Variants in GCNT1 observed in about 807,000 individuals in gnomAD.
GCNT1 encodes glucosaminyl (N-acetyl) transferase 1, also known as beta-1,3-galactosyl-O-glycosyl-glycoprotein beta-1,6-N-acetylglucosaminyltransferase.
GCNT1 carries 16 observed loss-of-function variants against 26.2 expected under a neutral mutation model. The ratio of observed to expected loss-of-function variants is 0.61; its 90% CI spans 0.41 to 0.93. The LOEUF (loss-of-function observed/expected upper bound fraction) is 0.93, where lower values mean the gene tolerates loss of function less well. GCNT1 is among the 40% of genes least tolerant of loss of function. The pLI is 0.00. For synonymous variants in GCNT1, 183 were observed against 190.8 expected (o/e 0.96, Z 0.34); for missense variants, 477 against 526.7 (o/e 0.91, Z 0.92).
At chr9:76,398,900 A>T in the GCNT1 span, 4 of 1,545,532 alleles carry the variant, frequency 2.6e-6, no homozygotes, top group Non-Finnish European at 3.5e-6. Context: ...TATTGTTGCC[A>T]TTGAAAACCC....
At chr9:76,498,788 A>G (rs1027673805) in intron 2 of GCNT1, among the ~76,000 whole-genome samples, 6 of 94,180 alleles carry the variant, frequency 6.4e-5, no homozygotes, top group Admixed American at 1.2e-4. Context: ...AAAAAAAAAA[A>G]AAGAAAAAAA....
At chr9:76,470,672 T>C (rs1824111663) in intron 2 of GCNT1, among the ~76,000 whole-genome samples, 1 of 151,934 alleles carries the variant, frequency 6.6e-6, no homozygotes, top group African/African-American at 2.4e-5. Flanking sequence ...GTCTTGTTTC[T>C]CTTGAAATGT....
intron 1 of GCNT1, among the ~76,000 whole-genome samples, chr9:76,452,226 C>T (rs1823679513): frequency 6.6e-6 from 1 of 152,092 alleles, no homozygotes; most frequent in Non-Finnish European, 1.5e-5. Context: ...ACCTTGGCCT[C>T]CCAAAGTGCT....
intron 2 of GCNT1, among the ~76,000 whole-genome samples, chr9:76,472,286 G>GA (rs747770507): frequency 7.3e-4 from 111 of 152,008 alleles, no homozygotes; most frequent in Non-Finnish European, 1.4e-3. Flanking sequence ...TTGTCTCAAA[G>GA]AAAAAAAGGA....
At chr9:76,440,019 T>C (rs939907082), upstream of GCNT1, among the ~76,000 whole-genome samples, 13 of 151,656 alleles carry the variant, frequency 8.6e-5, no homozygotes, top group African/African-American at 2.9e-4. Flanking sequence ...GAGAATCGCT[T>C]GAACCCAGGA....
At chr9:76,486,397 A>G (rs1021844941) in intron 2 of GCNT1, among the ~76,000 whole-genome samples, 3 of 152,236 alleles carry the variant, frequency 2.0e-5, no homozygotes, top group Non-Finnish European at 4.4e-5. Flanking sequence ...TTTCTGTTAC[A>G]TCACATTTGA....
intron 2 of GCNT1, among the ~76,000 whole-genome samples, chr9:76,481,100 T>G (rs1731378085): frequency 1.3e-5 from 2 of 152,040 alleles, no homozygotes; most frequent in South Asian, 4.1e-4. Flanking sequence ...TTAGCCAGAT[T>G]GGTGGCGTGT....
chr9:76,474,732 A>G (rs2131608283), intron 2 of GCNT1, among the ~76,000 whole-genome samples: 1 of 152,288 alleles, frequency 6.6e-6, no homozygotes. Flanking sequence ...ATTTAATTGG[A>G]GCTTATTTTG....
intron 1 of GCNT1, among the ~76,000 whole-genome samples, chr9:76,448,033 CCTGGAGAGCCTCTACT>C (rs1365208015): frequency 6.6e-6 from 1 of 152,172 alleles, no homozygotes; most frequent in Non-Finnish European, 1.5e-5. Context: ...CTTTGAGAAG[CCTGGAGAGCCTCTACT>C]CTGAAAGTTT....
intron 1 of GCNT1, among the ~76,000 whole-genome samples, chr9:76,436,374 G>A (rs946510066): frequency 2.0e-5 from 3 of 151,806 alleles, no homozygotes; most frequent in African/African-American, 7.3e-5. Flanking sequence ...GATCACTTGA[G>A]GTCAGGAGTT....
upstream of GCNT1, among the ~76,000 whole-genome samples, chr9:76,418,919 G>A (rs10118828): frequency 8.2e-3 from 1,245 of 152,272 alleles, 16 homozygotes; most frequent in African/African-American, 0.028. Context: ...AGGCAATTGT[G>A]TTTTCTTTGT....
rs1162439897 is a variant in GCNT1, at chr9:76,504,629, C to T, written c.*961C>T. On this transcript the variant is annotated 3_prime_UTR_variant, in exon 4 of 4. Transcript: ENST00000376730. ...AAAAGGAATGTATTTAAACAATTTC[C>T]GATGCCCATGATGAGTTTAAAAACC... is the stretch of plus-strand genomic sequence containing the variant. The T allele has an allele frequency of 2.4e-6, 1 of 412,070 alleles. No individual in the cohort carries two copies. The highest frequency in any genetic ancestry group is 3.6e-5 in the East Asian group (1 of 28,072). The allele number at this position is 412,070 out of a possible 1,614,324, so 25.5% of individuals were successfully genotyped here.
At chr9:76,449,474 C>T (rs72747336) in intron 1 of GCNT1, among the ~76,000 whole-genome samples, 5,902 of 152,282 alleles carry the variant, frequency 0.039, 134 homozygotes, top group Middle Eastern at 0.061. Context: ...TACCTACAAA[C>T]GTTTGCCTAA....
At chr9:76,411,888 G>A in the GCNT1 span, among the ~76,000 whole-genome samples, 4 of 151,624 alleles carry the variant, frequency 2.6e-5, no homozygotes, top group Non-Finnish European at 5.9e-5. Context: ...TTTTAGTAGA[G>A]ACAAGGTTTC....
the GCNT1 span, chr9:76,398,567 T>C: frequency 2.4e-5 from 16 of 664,590 alleles, no homozygotes; most frequent in Middle Eastern, 4.0e-4. Flanking sequence ...TGCTCACTTA[T>C]ATTTAATCAA....
intron 1 of GCNT1, among the ~76,000 whole-genome samples, chr9:76,423,447 C>T (rs998653292): frequency 3.3e-5 from 5 of 152,218 alleles, no homozygotes; most frequent in Non-Finnish European, 5.9e-5. Flanking sequence ...AAGATGCTGG[C>T]CCCATGACCT....
intron 1 of GCNT1, among the ~76,000 whole-genome samples, chr9:76,434,085 C>A (rs1049704225): frequency 6.6e-6 from 1 of 152,152 alleles, no homozygotes; most frequent in African/African-American, 2.4e-5. Context: ...TCTCTCAAGG[C>A]TTATAGTGTT....
chr9:76,421,204 A>G (rs1218581947), intron 1 of GCNT1, among the ~76,000 whole-genome samples: 6 of 152,216 alleles, frequency 3.9e-5, no homozygotes, highest in Non-Finnish European at 5.9e-5. Flanking sequence ...GAGGCAAATC[A>G]AAATGTTTTA....
At chr9:76,441,571 A>G (rs1823484518), upstream of GCNT1, 1 of 152,224 alleles carries the variant, frequency 6.6e-6, no homozygotes, top group Non-Finnish European at 1.5e-5. Context: ...TTTTGTTCAA[A>G]ACACTTCACA....
Sources: gnomAD v4.1 joint callset for allele counts (sites outside exome capture counted in the v4.1 genomes callset) on GRCh38, gnomAD v4.1.1 for gene constraint, MANE v1.5 for transcripts, NCBI Gene and HGNC (gene_info 2026-07-23, HGNC 2026-07-21) for gene names.